GALNT13: variants seen among roughly 807,000 people sequenced by gnomAD.
GALNT13 encodes UDP-GalNAc:polypeptide N-acetylgalactosaminyltransferase 13.
Under a neutral mutation model 64.2 loss-of-function variants are expected in GALNT13, and 28 were observed. That is an observed-to-expected ratio of 0.44 (90% CI 0.32 to 0.60). The LOEUF (loss-of-function observed/expected upper bound fraction) is 0.60, where lower values mean the gene tolerates loss of function less well. GALNT13 is among the 20% of genes least tolerant of loss of function. The pLI is 0.05. For missense variants in GALNT13, 577 were observed against 669.8 expected, an observed-to-expected ratio of 0.86 and a Z score of 1.53; for synonymous variants, 214 against 224.6, an observed-to-expected ratio of 0.95 and a Z score of 0.42.
the GALNT13 span, among the ~76,000 whole-genome samples, chr2:153,266,573 G>GGA: frequency 0.83 from 125,721 of 151,380 alleles, 53,452 homozygotes; most frequent in African/African-American, 0.93. Flanking sequence ...CAAGGTGGCA[G>GGA]GAGAGAGAGA....
chr2:154,151,141 G>T (rs532511502), intron 4 of GALNT13, among the ~76,000 whole-genome samples: 297 of 152,208 alleles, frequency 2.0e-3, no homozygotes, highest in African/African-American at 6.4e-3. Flanking sequence ...CTTTGTTCTT[G>T]TTGGTTTCAA....
chr2:153,963,767 G>C (rs1005495294), intron 3 of GALNT13, among the ~76,000 whole-genome samples: 1 of 148,680 alleles, frequency 6.7e-6, no homozygotes, highest in South Asian at 2.1e-4. Flanking sequence ...GTGTGTGTGT[G>C]TGTGTGTGTG....
At chr2:154,152,723 C>T (rs1013030681) in intron 4 of GALNT13, among the ~76,000 whole-genome samples, 16 of 152,304 alleles carry the variant, frequency 1.1e-4, no homozygotes, top group East Asian at 1.9e-4. Flanking sequence ...TTGATCGCAT[C>T]GGCTCCTGAC....
the GALNT13 span, among the ~76,000 whole-genome samples, chr2:153,499,744 C>T: frequency 4.0e-3 from 611 of 152,336 alleles, 5 homozygotes; most frequent in African/African-American, 0.014. Flanking sequence ...TGACAGGGCC[C>T]AGGCTTGGCT....
chr2:154,098,346 T>A (rs956523254), intron 3 of GALNT13, among the ~76,000 whole-genome samples: 1 of 152,026 alleles, frequency 6.6e-6, no homozygotes, highest in Non-Finnish European at 1.5e-5. Flanking sequence ...ATGGATTATT[T>A]TTTTTTCTTC....
the GALNT13 span, among the ~76,000 whole-genome samples, chr2:153,570,259 G>A: frequency 2.0e-5 from 3 of 151,996 alleles, no homozygotes; most frequent in Admixed American, 6.6e-5. Flanking sequence ...CTTGATAAAT[G>A]TTTATGCAAA....
At chr2:154,261,639 T>G (rs62171251) in intron 8 of GALNT13, among the ~76,000 whole-genome samples, 4,672 of 152,230 alleles carry the variant, frequency 0.031, 89 homozygotes, top group East Asian at 0.087. Flanking sequence ...AAGTGATATG[T>G]TTCCAGGTGC....
chr2:154,043,059 T>C (rs978420073), intron 3 of GALNT13, among the ~76,000 whole-genome samples: 12 of 152,024 alleles, frequency 7.9e-5, no homozygotes, highest in African/African-American at 2.9e-4. Context: ...CTGTTTGAAC[T>C]AACCAAGTAA....
At chr2:153,383,254 G>A in the GALNT13 span, among the ~76,000 whole-genome samples, 1 of 152,038 alleles carries the variant, frequency 6.6e-6, no homozygotes, top group Non-Finnish European at 1.5e-5. Context: ...CATCTCCTAA[G>A]TGCTTAGTAA....
chr2:153,850,466 A>G, the GALNT13 span, among the ~76,000 whole-genome samples: 1 of 152,236 alleles, frequency 6.6e-6, no homozygotes, highest in Non-Finnish European at 1.5e-5. Context: ...GGCAATTTAT[A>G]AAAACACAAG....
intron 1 of GALNT13, among the ~76,000 whole-genome samples, chr2:153,883,146 G>T (rs950132876): frequency 6.7e-6 from 1 of 149,224 alleles, no homozygotes; most frequent in Admixed American, 6.7e-5. Context: ...ACAAGTGGAT[G>T]ATATAGAAAA....
chr2:153,619,628 C>T, the GALNT13 span, among the ~76,000 whole-genome samples: 1 of 152,060 alleles, frequency 6.6e-6, no homozygotes, highest in Non-Finnish European at 1.5e-5. Flanking sequence ...AGTATCCCAT[C>T]TGGTATTAAT....
At chr2:153,329,074 C>G in the GALNT13 span, among the ~76,000 whole-genome samples, 2 of 151,992 alleles carry the variant, frequency 1.3e-5, no homozygotes, top group Non-Finnish European at 2.9e-5. Context: ...TCCCAGACCT[C>G]TTGTGCTCCC....
the GALNT13 span, among the ~76,000 whole-genome samples, chr2:153,800,850 A>G: frequency 6.6e-6 from 1 of 152,196 alleles, no homozygotes; most frequent in African/African-American, 2.4e-5. Context: ...CCTCAAAGTC[A>G]CAAAGCTATT....
chr2:153,266,247 G>A, the GALNT13 span, among the ~76,000 whole-genome samples: 126,495 of 152,140 alleles, frequency 0.83, 53,826 homozygotes, highest in African/African-American at 0.93. Flanking sequence ...GAACATAAAT[G>A]CTTTAGTAAG....
the GALNT13 span, among the ~76,000 whole-genome samples, chr2:153,287,230 T>C: frequency 3.3e-5 from 5 of 152,134 alleles, no homozygotes; most frequent in Admixed American, 6.5e-5. Context: ...TAGGGGAGCA[T>C]GCAGACGGGC....
At chr2:153,792,766 GA>G in the GALNT13 span, among the ~76,000 whole-genome samples, 3 of 151,984 alleles carry the variant, frequency 2.0e-5, no homozygotes, top group Non-Finnish European at 4.4e-5. Context: ...CTCTGTCATT[GA>G]GAGAAATTCC....
the GALNT13 span, among the ~76,000 whole-genome samples, chr2:153,298,733 T>C: frequency 6.6e-6 from 1 of 152,154 alleles, no homozygotes; most frequent in Non-Finnish European, 1.5e-5. Flanking sequence ...GACAGAAAGA[T>C]GGGGTAATGC....
At chr2:153,488,879 A>T in the GALNT13 span, among the ~76,000 whole-genome samples, 1 of 152,188 alleles carries the variant, frequency 6.6e-6, no homozygotes, top group African/African-American at 2.4e-5. Flanking sequence ...TCTGCAAAGG[A>T]ACCTGACGAA....
Sources: allele counts gnomAD v4.1 joint callset (sites outside exome capture counted in the v4.1 genomes callset), GRCh38; gene constraint gnomAD v4.1.1; transcripts MANE v1.5; gene names NCBI Gene and HGNC (gene_info 2026-07-23, HGNC 2026-07-21).